CUX2: variants seen among roughly 807,000 people sequenced by gnomAD.
CUX2 encodes homeobox protein cut-like 2.
In CUX2, 40 loss-of-function variants were observed where a neutral mutation model predicts 144.8. That is an observed-to-expected ratio of 0.28 (90% CI 0.21 to 0.36). The LOEUF (loss-of-function observed/expected upper bound fraction) is 0.36. Ranked by LOEUF, CUX2 falls within the 10% of genes least tolerant of loss-of-function variation. CUX2 has a pLI of 1.00. For synonymous variants in CUX2, 827 were observed against 875.6 expected, an observed-to-expected ratio of 0.94 and a Z score of 0.98; for missense variants, 1,615 against 1,994.0, an observed-to-expected ratio of 0.81 and a Z score of 3.62.
chr12:111,140,436 C>A (rs146766617), intron 1 of CUX2, among the ~76,000 whole-genome samples: 2 of 152,212 alleles, frequency 1.3e-5, no homozygotes, highest in African/African-American at 2.4e-5. Context: ...TCAAATTGAG[C>A]ACCCCCTCTT....
intron 1 of CUX2, among the ~76,000 whole-genome samples, chr12:111,142,797 C>G (rs1411907708): frequency 6.6e-6 from 1 of 152,230 alleles, no homozygotes; most frequent in East Asian, 1.9e-4. Context: ...TGACTGCAGT[C>G]TCATTGGAGG....
At chr12:111,254,032 A>G (rs567108276) in intron 3 of CUX2, among the ~76,000 whole-genome samples, 13 of 152,156 alleles carry the variant, frequency 8.5e-5, no homozygotes, top group African/African-American at 3.1e-4. Context: ...GCCCAGCCAT[A>G]TTCAATTTTT....
intron 4 of CUX2, among the ~76,000 whole-genome samples, chr12:111,282,524 G>T (rs758865572): frequency 1.7e-4 from 25 of 151,494 alleles, no homozygotes; most frequent in Admixed American, 6.6e-4. Context: ...TACTCAGGAG[G>T]CTGGGGCAGG....
At chr12:111,063,702 G>A (rs754393223) in intron 1 of CUX2, among the ~76,000 whole-genome samples, 1 of 152,224 alleles carries the variant, frequency 6.6e-6, no homozygotes, top group Non-Finnish European at 1.5e-5. Flanking sequence ...AGCGAGTCCG[G>A]GGGATTTGGC....
Position 111,350,348 on chromosome 12 carries a change from T to TA in CUX2, c.*2024dup, listed in dbSNP as rs1432603550. On this transcript the variant is annotated 3_prime_UTR_variant, in exon 22 of 22. Coordinates refer to ENST00000261726, the MANE Select transcript of CUX2 (RefSeq NM_015267.4). The stretch of plus-strand genomic sequence containing the variant: ...TGACGGGATTTGATTAAGCACTTAG[T>TA]ATAGTCTTTTGAACACGGAAATCCT... 2 of 152,406 alleles carry TA rather than the reference T, an allele frequency of 1.3e-5. No homozygotes were observed. Among genetic ancestry groups the TA allele is most frequent in the African/African-American group, 4.8e-5 (2 of 41,426 alleles). 9.4% of individuals were successfully genotyped at this position (152,406 alleles called of 1,614,324 possible).
intron 1 of CUX2, among the ~76,000 whole-genome samples, chr12:111,185,006 G>A (rs1043495745): frequency 6.6e-6 from 1 of 152,172 alleles, no homozygotes; most frequent in Non-Finnish European, 1.5e-5. Flanking sequence ...GGAGCTTGCA[G>A]TGAACCAAGA....
intron 3 of CUX2, among the ~76,000 whole-genome samples, chr12:111,221,309 G>A (rs948494290): frequency 2.0e-5 from 3 of 152,110 alleles, no homozygotes; most frequent in Non-Finnish European, 4.4e-5. Flanking sequence ...GGGGAGAGAC[G>A]CTGCCAAAGG....
intron 3 of CUX2, among the ~76,000 whole-genome samples, chr12:111,231,780 T>A (rs893796104): frequency 6.6e-6 from 1 of 152,174 alleles, no homozygotes; most frequent in Non-Finnish European, 1.5e-5. Context: ...TTACATTTTA[T>A]TAGGAATCAT....
At position 111,293,950 on chromosome 12, in the gene CUX2, G is replaced by C. The variant is rs961566947; in HGVS notation, c.560+381G>C. 2.6e-5 allele frequency among the ~76,000 whole-genome samples: 4 copies of C among 152,260 alleles called. No homozygotes were observed. The highest frequency in any genetic ancestry group is 5.9e-5 in the Non-Finnish European group (4 of 68,054). ...GGAGCTGCCAGGTGCAAAATTGGTA[G>C]AGCAGGAGTTGGTGCTGCAATCTTT... On this transcript the variant is annotated intron_variant, in intron 6 of 21. Transcript: ENST00000261726. This position sits in a 1 kb window ranked among gnomAD's most constrained non-coding sequence, Gnocchi z 4.5.
intron 1 of CUX2, among the ~76,000 whole-genome samples, chr12:111,038,181 T>A (rs1869552336): frequency 6.6e-6 from 1 of 152,242 alleles, no homozygotes; most frequent in African/African-American, 2.4e-5. Context: ...ATTATAACCT[T>A]ATGATATTCT....
At chr12:111,219,384 CA>C (rs751519383) in intron 3 of CUX2, among the ~76,000 whole-genome samples, 4,393 of 120,260 alleles carry the variant, frequency 0.037, 163 homozygotes, top group African/African-American at 0.1. Flanking sequence ...CTTTGTGTTA[CA>C]AAAAAAAAAA....
chr12:111,163,045 CAAAA>C (rs559797657), intron 1 of CUX2, among the ~76,000 whole-genome samples: 3 of 112,938 alleles, frequency 2.7e-5, no homozygotes, highest in African/African-American at 3.2e-5. Context: ...GACTCTGTCT[CAAAA>C]AAAAAAAAAA....
At chr12:111,063,533 C>G (rs1420392424) in intron 1 of CUX2, among the ~76,000 whole-genome samples, 1 of 152,268 alleles carries the variant, frequency 6.6e-6, no homozygotes, top group Non-Finnish European at 1.5e-5. Context: ...ACAGCCCCGG[C>G]AAAGGTTGGC....
chr12:111,056,400 T>A (rs1377303782), intron 1 of CUX2, among the ~76,000 whole-genome samples: 2 of 152,178 alleles, frequency 1.3e-5, no homozygotes, highest in African/African-American at 4.8e-5. Flanking sequence ...GATTCAACAT[T>A]TGCGGGTAAT....
intron 18 of CUX2, among the ~76,000 whole-genome samples, chr12:111,331,843 G>T (rs896893738): frequency 3.3e-5 from 5 of 152,008 alleles, no homozygotes; most frequent in African/African-American, 9.7e-5. Context: ...CTTTGGGGGC[G>T]CCGAGGAGGG....
At chr12:111,235,287 G>A (rs372397572) in intron 3 of CUX2, among the ~76,000 whole-genome samples, 2 of 152,290 alleles carry the variant, frequency 1.3e-5, no homozygotes, top group African/African-American at 4.8e-5. Context: ...CAGTTTGTCT[G>A]TGGGCAGAGG....
intron 15 of CUX2, among the ~76,000 whole-genome samples, chr12:111,311,850 G>A (rs1279847245): frequency 2.0e-5 from 3 of 151,962 alleles, no homozygotes; most frequent in South Asian, 2.1e-4. Context: ...CTCCCACCTC[G>A]GACTCCCAGA....
At chr12:111,202,325 G>A (rs183458146) in intron 1 of CUX2, among the ~76,000 whole-genome samples, 6 of 152,164 alleles carry the variant, frequency 3.9e-5, no homozygotes, top group Non-Finnish European at 7.3e-5. Flanking sequence ...TTTAAATTCC[G>A]AGAACTCCGG....
chr12:111,105,079 C>A (rs1029140180), intron 1 of CUX2, among the ~76,000 whole-genome samples: 41 of 152,184 alleles, frequency 2.7e-4, no homozygotes, highest in African/African-American at 9.9e-4. Context: ...TGTCCAGGGA[C>A]CTGGGCTCAT....
Sources: allele counts gnomAD v4.1 joint callset (sites outside exome capture counted in the v4.1 genomes callset), GRCh38; gene constraint gnomAD v4.1.1; non-coding constraint Gnocchi (gnomAD v3.1); transcripts MANE v1.5; gene names NCBI Gene and HGNC (gene_info 2026-07-23, HGNC 2026-07-21).